ADTRP: variants seen among roughly 807,000 people sequenced by gnomAD.
ADTRP encodes the protein androgen-dependent TFPI-regulating protein.
A neutral mutation model predicts 27.0 loss-of-function variants in ADTRP; 20 were observed. The ratio of observed to expected loss-of-function variants is 0.74; its 90% confidence interval spans 0.52 to 1.08. The LOEUF (loss-of-function observed/expected upper bound fraction) is 1.08. Among genes scored for constraint, ADTRP ranks in the 50% least tolerant of loss-of-function variants. The pLI is 0.00. For synonymous variants in ADTRP, 101 were observed against 105.2 expected (o/e 0.96, Z 0.25); for missense variants, 251 against 275.0 (o/e 0.91, Z 0.62).
intron 5 of ADTRP, 52 bp downstream of exon 5, chr6:11,723,297 A>T (rs1762077138): frequency 9.4e-6 from 15 of 1,591,560 alleles, no homozygotes; most frequent in Non-Finnish European, 1.3e-5. Flanking sequence ...GGTGAAGGGG[A>T]GAGGCAGACA....
chr6:11,720,789 G>C (rs1044281700), intron 5 of ADTRP, among the ~76,000 whole-genome samples: 6 of 151,858 alleles, frequency 4.0e-5, no homozygotes, highest in Admixed American at 2.6e-4. Context: ...TCTCTAACTG[G>C]TACGCCTTGT....
chr6:11,769,684 A>T (rs888592505), intron 1 of ADTRP, among the ~76,000 whole-genome samples: 2 of 152,138 alleles, frequency 1.3e-5, no homozygotes, highest in Non-Finnish European at 2.9e-5. Context: ...ATCTATACTT[A>T]TATAACAAAC....
intron 4 of ADTRP, among the ~76,000 whole-genome samples, chr6:11,733,571 T>C (rs1049098723): frequency 5.9e-5 from 9 of 152,234 alleles, no homozygotes; most frequent in Admixed American, 3.9e-4. Context: ...GCCCATAGCA[T>C]CCTGGGCTTA....
At chr6:11,739,380 T>C (rs1286773761) in intron 3 of ADTRP, among the ~76,000 whole-genome samples, 2 of 152,228 alleles carry the variant, frequency 1.3e-5, no homozygotes, top group East Asian at 3.8e-4. Context: ...TTCCTTTAAA[T>C]GTCTCTTTCC....
intron 4 of ADTRP, among the ~76,000 whole-genome samples, chr6:11,734,453 A>G (rs892376219): frequency 6.6e-6 from 1 of 152,210 alleles, no homozygotes; most frequent in African/African-American, 2.4e-5. Context: ...GAGGCTGAAG[A>G]ACAATATAGA....
At chr6:11,728,817 C>T (rs766706647) in intron 4 of ADTRP, among the ~76,000 whole-genome samples, 4 of 152,160 alleles carry the variant, frequency 2.6e-5, no homozygotes, top group Admixed American at 6.5e-5. Flanking sequence ...GGCTCTCAGT[C>T]GCCTGACTCA....
rs1160105037 is a variant in ADTRP at position 11,758,574 on chromosome 6, G to GT, written c.390+7699dup. The stretch of plus-strand genomic sequence containing the variant: ...ATCACACACCGGGGACTGTTGTGGG[G>GT]TGGGGGGGGGGGACGGATAGCATTA... On this transcript the variant is annotated intron_variant, in intron 3 of 5. Transcript: ENST00000414691. 1.6e-4 allele frequency among the ~76,000 whole-genome samples: 15 copies of GT among 90,994 alleles called. 2 individuals are homozygous for GT. The highest frequency in any genetic ancestry group is 2.8e-4 in the African/African-American group (6 of 21,386). 59.7% of individuals were successfully genotyped at this position (90,994 alleles called of 152,430 possible).
At chr6:11,761,286 C>T (rs1332607640) in intron 3 of ADTRP, among the ~76,000 whole-genome samples, 7 of 152,120 alleles carry the variant, frequency 4.6e-5, no homozygotes, top group Admixed American at 3.3e-4. Flanking sequence ...TCCGTTCTCT[C>T]GCCCTATTTA....
intron 3 of ADTRP, among the ~76,000 whole-genome samples, chr6:11,752,329 A>T (rs1295683636): frequency 6.6e-6 from 1 of 152,106 alleles, no homozygotes; most frequent in East Asian, 1.9e-4. Flanking sequence ...GAAATCACTC[A>T]GGACTTTTTT....
intron 5 of ADTRP, 82 bp downstream of exon 5, chr6:11,723,267 A>G: frequency 6.6e-7 from 1 of 1,522,776 alleles, no homozygotes; most frequent in Non-Finnish European, 8.9e-7. Flanking sequence ...GTTTGCGGCT[A>G]GTTTTTCTTT....
chr6:11,770,430 A>C (rs1333902835), intron 1 of ADTRP, among the ~76,000 whole-genome samples: 1 of 152,122 alleles, frequency 6.6e-6, no homozygotes, highest in Admixed American at 6.5e-5. Context: ...CTGTGGAACA[A>C]GATTGCAGGA....
intron 1 of ADTRP, among the ~76,000 whole-genome samples, chr6:11,772,054 C>CCAACAAAA: frequency 6.6e-6 from 1 of 152,236 alleles, no homozygotes; most frequent in Non-Finnish European, 1.5e-5. Flanking sequence ...TCTTTTGAGA[C>CCAACAAAA]TCTTACAACA....
intron 3 of ADTRP, among the ~76,000 whole-genome samples, chr6:11,747,156 G>A (rs1176492661): frequency 6.6e-6 from 1 of 152,176 alleles, no homozygotes; most frequent in Admixed American, 6.5e-5. Context: ...CCTTATCATG[G>A]TCTTCTCAGG....
At chr6:11,778,216 C>G (rs1184810663) in intron 1 of ADTRP, among the ~76,000 whole-genome samples, 1 of 152,208 alleles carries the variant, frequency 6.6e-6, no homozygotes, top group Non-Finnish European at 1.5e-5. Flanking sequence ...AATTACACTT[C>G]CTACACACCA....
At chr6:11,733,983 G>A (rs2113898332) in intron 4 of ADTRP, among the ~76,000 whole-genome samples, 1 of 152,204 alleles carries the variant, frequency 6.6e-6, no homozygotes, top group African/African-American at 2.4e-5. Flanking sequence ...CAAGTCCTTA[G>A]GTAGAAGACA....
intron 3 of ADTRP, chr6:11,735,888 AC>A: frequency 2.0e-6 from 1 of 508,802 alleles, no homozygotes; most frequent in South Asian, 2.5e-5. Flanking sequence ...GCTACCAAGG[AC>A]TTTGCAATGT....
At chr6:11,727,887 G>T (rs1762262331) in intron 4 of ADTRP, among the ~76,000 whole-genome samples, 1 of 149,546 alleles carries the variant, frequency 6.7e-6, no homozygotes, top group African/African-American at 2.4e-5. Flanking sequence ...AATATGAGGG[G>T]AAGGTGGGAA....
At chr6:11,761,117 C>G (rs1032567384) in intron 3 of ADTRP, among the ~76,000 whole-genome samples, 1 of 152,212 alleles carries the variant, frequency 6.6e-6, no homozygotes, top group African/African-American at 2.4e-5. Flanking sequence ...GCTGCCTGAG[C>G]CTTTCTTCTG....
intron 1 of ADTRP, chr6:11,770,207 C>T: frequency 1.2e-6 from 1 of 861,990 alleles, no homozygotes; most frequent in Non-Finnish European, 1.9e-6. Context: ...ACTTCACAAA[C>T]CACCGCTGCC....
Sources: gnomAD v4.1 joint callset for allele counts (sites outside exome capture counted in the v4.1 genomes callset) on GRCh38, gnomAD v4.1.1 for gene constraint, MANE v1.5 for transcripts, NCBI Gene and HGNC (gene_info 2026-07-23, HGNC 2026-07-21) for gene names.